Variants in MS4A14 observed in about 807,000 individuals in gnomAD.
MS4A14 encodes membrane-spanning 4-domains subfamily A member 14.
A neutral mutation model predicts 16.7 loss-of-function variants in MS4A14; 18 were observed. The observed-to-expected ratio is 1.08, with a 90% CI of 0.75 to 1.60. MS4A14 has a LOEUF of 1.60. Ranked by LOEUF, MS4A14 falls within the 40% of genes most tolerant of loss-of-function variation. The pLI, the probability that MS4A14 is intolerant of heterozygous loss-of-function variation, is 0.00. For missense variants in MS4A14, 812 were observed against 775.3 expected (o/e 1.05, Z -0.56); for synonymous variants, 305 against 289.4 (o/e 1.05, Z -0.55).
chr11:60,400,515 T>C lies in MS4A14; in HGVS notation c.318+61T>C, dbSNP rs1376174195. On this transcript the variant is annotated intron_variant, in intron 3 of 4. Transcript: ENST00000300187. Reference sequence around the variant, plus strand: ...CTATTTGTTTTATATCATCTTTATGTATGAAGCCTTTAGTAATAAAGTTAC... The same window carrying C: ...CTATTTGTTTTATATCATCTTTATGCATGAAGCCTTTAGTAATAAAGTTAC... 7 of 1,197,772 alleles carry C rather than the reference T, an allele frequency of 5.8e-6. No homozygotes were observed. In the Admixed American group the frequency reaches 1.1e-4, roughly 19 times the overall value. The allele number at this position is 1,197,772 out of a possible 1,614,324, so 74.2% of individuals were successfully genotyped here.
rs1424855643 is a variant in MS4A14 at position 60,415,668 on chromosome 11, A to C, written c.700A>C (p.Lys234Gln). 6.2e-7 allele frequency: 1 copy of C among 1,613,956 alleles called. No individual in the cohort carries two copies. The highest frequency in any genetic ancestry group is 1.1e-5 in the South Asian group (1 of 91,082). Residue 234 changes from lysine (K) to glutamine (Q), a missense_variant, in exon 5 of 5, where the codon AAG becomes CAG. Transcript: ENST00000300187. ...TAGAGAATTTGTGCCAGATGAACAAAAGCAAAGTATCCTTCCATCTCCCAA... is the reference window on the plus strand; with the variant it reads ...TAGAGAATTTGTGCCAGATGAACAACAGCAAAGTATCCTTCCATCTCCCAA... ...KGREFVPDEQ[K>Q]QSILPSPKFS...
At chr11:60,413,534 A>G (rs181653160) in intron 4 of MS4A14, among the ~76,000 whole-genome samples, 1 of 152,070 alleles carries the variant, frequency 6.6e-6, no homozygotes, top group Admixed American at 6.6e-5. Flanking sequence ...TTTTCATCTC[A>G]TGCTTTCATC....
In MS4A14 at chr11:60,417,071, C is replaced by A; in HGVS notation, c.*63C>A. 6.5e-7 allele frequency: 1 copy of A among 1,543,820 alleles called. No individual in the cohort carries two copies. Among genetic ancestry groups the A allele is most frequent in the Non-Finnish European group, 8.7e-7 (1 of 1,148,832 alleles). On this transcript the variant is annotated 3_prime_UTR_variant, in exon 5 of 5. Coordinates refer to ENST00000300187, the MANE Select transcript of MS4A14 (RefSeq NM_032597.5). ...ATGGCAATTTGAAATGAAGCACTGG[C>A]AAACACAGGATCTATTAGAGAAAGA...
At position 60,400,473 on chromosome 11, in the gene MS4A14, A is replaced by C; in HGVS notation, c.318+19A>C. The C allele has an allele frequency of 6.4e-7, 1 of 1,553,458 alleles. No individual in the cohort carries two copies. Among genetic ancestry groups the C allele is most frequent in the South Asian group, 1.1e-5 (1 of 88,056 alleles). On this transcript the variant is annotated intron_variant, in intron 3 of 4. Transcript: ENST00000300187. ...ACTTCTGGTAAGCCACTTAAACTAC[A>C]TAAAATTTAAAATCTTCTATTTGTT...
intron 1 of MS4A14, 97 bp from the exon 2 acceptor site, chr11:60,397,755 G>T: frequency 8.7e-7 from 1 of 1,152,718 alleles, no homozygotes; most frequent in Non-Finnish European, 1.2e-6. Flanking sequence ...TTGGATGGAG[G>T]GAAAGGTGTG....
intron 4 of MS4A14, chr11:60,404,635 A>T (rs896324929): frequency 1.9e-4 from 85 of 455,206 alleles, no homozygotes; most frequent in African/African-American, 1.4e-3. Flanking sequence ...TGATCAGAGG[A>T]TCAGCTTCTT....
intron 4 of MS4A14, among the ~76,000 whole-genome samples, chr11:60,407,007 T>C (rs982509304): frequency 1.5e-4 from 2 of 12,908 alleles, no homozygotes; most frequent in Admixed American, 7.2e-4. Context: ...TCAATTTACC[T>C]TTTTTTTTTT....
chr11:60,397,321 A>G (rs544064432), intron 1 of MS4A14, among the ~76,000 whole-genome samples: 1 of 152,230 alleles, frequency 6.6e-6, no homozygotes, highest in Admixed American at 6.5e-5. Flanking sequence ...TCCATGGATG[A>G]AGGGGAGGTG....
At chr11:60,415,346 CT>C in intron 4 of MS4A14, 90 bp from the exon 5 acceptor site, 1 of 1,389,364 alleles carries the variant, frequency 7.2e-7, no homozygotes, top group African/African-American at 1.5e-5. Context: ...TATCTACTGT[CT>C]TAAGTCAGAA....
In MS4A14 at chr11:60,402,873, C is replaced by A. The variant is rs758836250; in HGVS notation, c.319-39C>A. The A allele has an allele frequency of 7.5e-6, 12 of 1,592,400 alleles. 1 individual carries two copies. In the South Asian group the frequency reaches 1.0e-4, roughly 14 times the overall value. On this transcript the variant is annotated intron_variant, in intron 3 of 4. Coordinates refer to ENST00000300187, the MANE Select transcript of MS4A14 (RefSeq NM_032597.5). The stretch of plus-strand genomic sequence containing the variant: ...TTACAAGATATTTTTGCTTTGGTTT[C>A]GATCTTATTTATTTTATCATTTTTA...
At position 60,416,544 on chromosome 11, in the gene MS4A14, C is replaced by A. The variant is rs1163091882; in HGVS notation, c.1576C>A (p.Gln526Lys). The part of the protein sequence containing the change: ...HSLDQQSKGW[Q>K]SPKQKSLDQQ... ...CTTAGATCAGCAAAGCAAAGGCTGG[C>A]AATCTCCAAAGCAGAAATCCTTAGA... The change falls in exon 5 of 5, where the codon CAA (glutamine) becomes AAA (lysine). Residue 526 changes from glutamine (Q) to lysine (K), a missense_variant. Coordinates refer to ENST00000300187, the MANE Select transcript of MS4A14 (RefSeq NM_032597.5). 1.2e-6 allele frequency: 2 copies of A among 1,613,780 alleles called. No individual in the cohort carries two copies. Among genetic ancestry groups the A allele is most frequent in the East Asian group, 2.2e-5 (1 of 44,860 alleles).
Position 60,416,858 on chromosome 11 carries a change from A to T in MS4A14, c.1890A>T (p.Gln630His). Reference protein sequence around the residue: ...QFQNVQAEGQQAQVEKVPKLL... With the variant: ...QFQNVQAEGQHAQVEKVPKLL... Reference sequence around the variant, plus strand: ...AAAATGTTCAAGCCGAAGGACAGCAAGCTCAGGTGGAGAAAGTGCCAAAAC... The same window carrying T: ...AAAATGTTCAAGCCGAAGGACAGCATGCTCAGGTGGAGAAAGTGCCAAAAC... Residue 630 changes from glutamine (Q) to histidine (H), a missense_variant, in exon 5 of 5, where the codon CAA (glutamine) becomes CAT (histidine). Transcript: ENST00000300187. 6.2e-7 allele frequency: 1 copy of T among 1,613,816 alleles called. No homozygotes were observed. The highest frequency in any genetic ancestry group is 8.5e-7 in the Non-Finnish European group (1 of 1,179,822).
At chr11:60,415,302 T>C in intron 4 of MS4A14, 135 bp from the exon 5 acceptor site, 2 of 877,036 alleles carry the variant, frequency 2.3e-6, no homozygotes, top group Non-Finnish European at 3.4e-6. Flanking sequence ...GGACTGGCAT[T>C]CGTTTTCTGC....
intron 4 of MS4A14, among the ~76,000 whole-genome samples, chr11:60,405,172 T>C (rs1166493817): frequency 1.3e-5 from 2 of 151,874 alleles, no homozygotes; most frequent in African/African-American, 2.4e-5. Flanking sequence ...CTCCGCCTCC[T>C]AGGTTCAAGC....
Position 60,400,391 on chromosome 11 carries a change from G to A in MS4A14, c.268-13G>A. On this transcript the variant is annotated splice_polypyrimidine_tract_variant and intron_variant, in intron 2 of 4. Coordinates refer to ENST00000300187, the MANE Select transcript of MS4A14 (RefSeq NM_032597.5). ...CATCACCTGTTAACTTTTGTCTCTTGTCTTCTTAACAGTTTATTCTTACAG... is the reference window on the plus strand; with the variant it reads ...CATCACCTGTTAACTTTTGTCTCTTATCTTCTTAACAGTTTATTCTTACAG... 6.3e-7 allele frequency: 1 copy of A among 1,581,922 alleles called. No individual in the cohort carries two copies. Among genetic ancestry groups the A allele is most frequent in the East Asian group, 2.3e-5 (1 of 44,340 alleles).
intron 4 of MS4A14, among the ~76,000 whole-genome samples, chr11:60,412,152 T>C (rs965688701): frequency 6.6e-6 from 1 of 151,926 alleles, no homozygotes; most frequent in African/African-American, 2.4e-5. Flanking sequence ...TTGTTGGCAA[T>C]TTTTGTATCT....
At chr11:60,410,831 GT>G (rs34211432) in intron 4 of MS4A14, among the ~76,000 whole-genome samples, 109,228 of 151,434 alleles carry the variant, frequency 0.72, 39,423 homozygotes, top group Admixed American at 0.78. Context: ...TATTTTTTGG[GT>G]TTTTTTTTTT....
Position 60,396,647 on chromosome 11 carries a change from G to T in MS4A14, c.69G>T (p.Leu23Phe), listed in dbSNP as rs2085626211. 3.1e-6 allele frequency: 5 copies of T among 1,614,004 alleles called. No individual in the cohort carries two copies. Among genetic ancestry groups the T allele is most frequent in the Non-Finnish European group, 4.2e-6 (5 of 1,179,954 alleles). Residue 23 changes from leucine to phenylalanine, a missense_variant, in exon 1 of 5, where the codon TTG (leucine) becomes TTT (phenylalanine). Physicochemically the swap from Leu to Phe is conservative, Grantham distance 22 (BLOSUM62 0). Transcript: ENST00000300187. ...VITIKPNETV[L>F]TAFPYRPHSS... ...CTATAAAACCAAACGAAACTGTATT[G>T]ACTGCATTTCCCTACAGACCTCATA...
Position 60,416,571 on chromosome 11 carries a change from C to G in MS4A14, c.1603C>G (p.Gln535Glu), listed in dbSNP as rs767554747. 1 of 1,613,748 alleles carries G rather than the reference C, an allele frequency of 6.2e-7. No homozygotes were observed. The highest frequency in any genetic ancestry group is 1.1e-5 in the South Asian group (1 of 91,070). ...WQSPKQKSLDQQIKDWLSPKR... is the reference protein window; with the variant it reads ...WQSPKQKSLDEQIKDWLSPKR... Reference sequence around the variant, plus strand: ...ATCTCCAAAGCAGAAATCCTTAGACCAGCAAATCAAAGACTGGCTATCCCC... The same window carrying G: ...ATCTCCAAAGCAGAAATCCTTAGACGAGCAAATCAAAGACTGGCTATCCCC... Residue 535 changes from glutamine (Q) to glutamate (E), a missense_variant, in exon 5 of 5, where the codon CAG becomes GAG. Physicochemically the swap from Gln to Glu is conservative, Grantham distance 29 (BLOSUM62 2). Transcript: ENST00000300187.
Sources: allele counts gnomAD v4.1 joint callset (sites outside exome capture counted in the v4.1 genomes callset), GRCh38; gene constraint gnomAD v4.1.1; transcripts MANE v1.5; gene names NCBI Gene and HGNC (gene_info 2026-07-23, HGNC 2026-07-21).